Variants in MORN5 observed in about 807,000 individuals in gnomAD.
The protein encoded by MORN5 is MORN repeat-containing protein 5.
In MORN5, 21 loss-of-function variants were observed where a neutral mutation model predicts 22.1. The observed-to-expected ratio is 0.95, with a 90% CI of 0.67 to 1.37. MORN5 has a LOEUF of 1.37. Among genes scored for constraint, MORN5 ranks in the 40% most tolerant of loss-of-function variants. MORN5 has a pLI of 0.00. For synonymous variants in MORN5, 73 were observed against 74.0 expected (o/e 0.99, Z 0.07); for missense variants, 211 against 215.1 (o/e 0.98, Z 0.12).
intron 4 of MORN5, 145 bp from the exon 5 acceptor site, chr9:122,199,740 A>G: frequency 1.4e-6 from 1 of 737,896 alleles, no homozygotes; most frequent in Non-Finnish European, 2.4e-6. Flanking sequence ...GTGTAAATGA[A>G]AGGTCTGTTC....
intron 4 of MORN5, among the ~76,000 whole-genome samples, chr9:122,193,189 C>T (rs139797400): frequency 5.9e-5 from 9 of 152,260 alleles, no homozygotes; most frequent in African/African-American, 1.7e-4. Flanking sequence ...AATTCACACC[C>T]CCTTTCCTGA....
chr9:122,188,170 C>T (rs1475068813), intron 4 of MORN5, among the ~76,000 whole-genome samples: 3 of 152,200 alleles, frequency 2.0e-5, no homozygotes, highest in Non-Finnish European at 2.9e-5. Context: ...AGTTTAGCTT[C>T]AGTCCTTCAG....
intron 1 of MORN5, among the ~76,000 whole-genome samples, chr9:122,161,860 T>C (rs139575691): frequency 2.6e-5 from 4 of 152,308 alleles, no homozygotes; most frequent in African/African-American, 9.6e-5. Context: ...CCCTAGGAAT[T>C]TGGGCTTTGC....
intron 3 of MORN5, among the ~76,000 whole-genome samples, chr9:122,170,154 C>T (rs1029091233): frequency 3.3e-5 from 5 of 151,930 alleles, no homozygotes; most frequent in East Asian, 1.9e-4. Flanking sequence ...AAAAATTAGC[C>T]GGGTGTGGTG....
intron 1 of MORN5, among the ~76,000 whole-genome samples, chr9:122,164,089 T>A (rs1365832657): frequency 1.3e-5 from 2 of 152,232 alleles, no homozygotes; most frequent in Non-Finnish European, 2.9e-5. Context: ...ATATCCTTAT[T>A]ATGGATTGAA....
chr9:122,177,529 T>C (rs1269021018), intron 4 of MORN5, among the ~76,000 whole-genome samples: 2 of 152,134 alleles, frequency 1.3e-5, no homozygotes, highest in Non-Finnish European at 2.9e-5. Flanking sequence ...GCCTCCCAGG[T>C]TCAAGTGATT....
At chr9:122,173,702 T>C in intron 3 of MORN5, among the ~76,000 whole-genome samples, 1 of 152,194 alleles carries the variant, frequency 6.6e-6, no homozygotes, top group East Asian at 1.9e-4. Flanking sequence ...AAAGGTGCAC[T>C]CAATCTTCTT....
At chr9:122,188,587 G>A (rs775330377) in intron 4 of MORN5, among the ~76,000 whole-genome samples, 6 of 152,360 alleles carry the variant, frequency 3.9e-5, no homozygotes, top group Non-Finnish European at 7.3e-5. Flanking sequence ...GAGGGTCAAC[G>A]CAGAGGCTGT....
chr9:122,174,586 G>A lies in MORN5; in HGVS notation c.398G>A (p.Arg133Lys), dbSNP rs752342193. The change falls in exon 4 of 5, where the codon AGG (arginine) becomes AAG (lysine). Residue 133 changes from arginine to lysine, a missense_variant. Transcript: ENST00000373764. ...GACGGCTTCTATAACCCAGTCACGA[G>A]GGTAGTCAAGGACTATAGGAACCGC... ...CGDGFYNPVT[R>K]VVKDYRNRFL... The A allele has an allele frequency of 1.7e-5, 27 of 1,614,116 alleles. No individual in the cohort carries two copies. The highest frequency in any genetic ancestry group is 2.2e-5 in the Non-Finnish European group (26 of 1,180,024).
chr9:122,164,922 C>G (rs1195083317), intron 1 of MORN5, among the ~76,000 whole-genome samples: 2 of 152,258 alleles, frequency 1.3e-5, no homozygotes, highest in African/African-American at 4.8e-5. Flanking sequence ...ACTACTCTTT[C>G]TGTTTCCTTC....
intron 4 of MORN5, among the ~76,000 whole-genome samples, chr9:122,180,587 G>A (rs763351821): frequency 2.0e-5 from 3 of 152,032 alleles, no homozygotes; most frequent in Non-Finnish European, 4.4e-5. Context: ...CGCTCGGCCC[G>A]ATATTTTCTA....
chr9:122,163,317 G>A (rs183469803), intron 1 of MORN5, among the ~76,000 whole-genome samples: 115 of 152,218 alleles, frequency 7.6e-4, no homozygotes, highest in African/African-American at 2.6e-3. Context: ...AGTAAGGCTC[G>A]GAGTAAACCT....
chr9:122,176,339 A>G (rs376173439), intron 4 of MORN5, among the ~76,000 whole-genome samples: 59 of 152,286 alleles, frequency 3.9e-4, no homozygotes, highest in African/African-American at 1.3e-3. Flanking sequence ...TAATAGGTTT[A>G]CCATGAAGTT....
intron 4 of MORN5, among the ~76,000 whole-genome samples, chr9:122,193,078 G>A (rs910159690): frequency 6.6e-6 from 1 of 152,134 alleles, no homozygotes; most frequent in African/African-American, 2.4e-5. Context: ...TCCGGGCAGG[G>A]TCTGTGGGGG....
chr9:122,179,760 TGACTCACCTCACCCTGTGAGG>T (rs959218518), intron 4 of MORN5, among the ~76,000 whole-genome samples: 18 of 152,230 alleles, frequency 1.2e-4, no homozygotes, highest in Non-Finnish European at 2.1e-4. Context: ...TCATTACCCC[TGACTCACCTCACCCTGTGAGG>T]GACTGATTCA....
At chr9:122,190,085 AC>A (rs1829728295) in intron 4 of MORN5, among the ~76,000 whole-genome samples, 1 of 151,896 alleles carries the variant, frequency 6.6e-6, no homozygotes, top group Non-Finnish European at 1.5e-5. Flanking sequence ...CTGTCCATAC[AC>A]AGAGATGTTA....
In MORN5 at chr9:122,199,983, C is replaced by T. The variant is rs778447551; in HGVS notation, c.*52C>T. 5 of 1,585,826 alleles carry T rather than the reference C, an allele frequency of 3.2e-6. No individual in the cohort carries two copies. In the African/African-American group the frequency reaches 6.7e-5, roughly 21 times the overall value. On this transcript the variant is annotated 3_prime_UTR_variant, in exon 5 of 5. Transcript: ENST00000373764. ...GCCGTGAACTCTGTGGCTGCCTCCA[C>T]CAGAGGTTTCCATCTGCCCTACTAG...
At chr9:122,186,041 G>A (rs12002406) in intron 4 of MORN5, among the ~76,000 whole-genome samples, 5,284 of 152,288 alleles carry the variant, frequency 0.035, 151 homozygotes, top group African/African-American at 0.066. Context: ...TAGCAGCACC[G>A]TAATGAAGGC....
At chr9:122,198,195 A>G in intron 4 of MORN5, among the ~76,000 whole-genome samples, 1 of 152,208 alleles carries the variant, frequency 6.6e-6, no homozygotes, top group East Asian at 1.9e-4. Flanking sequence ...GCAAAGCACC[A>G]AGCACACATA....
Sources: allele counts gnomAD v4.1 joint callset (sites outside exome capture counted in the v4.1 genomes callset), GRCh38; gene constraint gnomAD v4.1.1; transcripts MANE v1.5; gene names NCBI Gene and HGNC (gene_info 2026-07-23, HGNC 2026-07-21).